The following TFB2M variants were observed in gnomAD, a reference collection of about 807,000 sequenced individuals.
TFB2M encodes the protein dimethyladenosine transferase 2, mitochondrial.
A neutral mutation model predicts 41.3 loss-of-function variants in TFB2M; 44 were observed. That is an observed-to-expected ratio of 1.07 (90% CI 0.84 to 1.37). The LOEUF (loss-of-function observed/expected upper bound fraction) is 1.37. Ranked by LOEUF, TFB2M falls within the 40% of genes most tolerant of loss-of-function variation. TFB2M has a pLI of 0.00. For missense variants in TFB2M, 496 were observed against 490.2 expected, an observed-to-expected ratio of 1.01 and a Z score of -0.11; for synonymous variants, 188 against 176.8, an observed-to-expected ratio of 1.06 and a Z score of -0.50.
intron 4 of TFB2M, among the ~76,000 whole-genome samples, chr1:246,554,483 T>C (rs990532597): frequency 2.1e-5 from 3 of 146,282 alleles, no homozygotes; most frequent in African/African-American, 7.6e-5. Context: ...AGGAACACAA[T>C]CCCTATTGCG....
chr1:246,546,959 G>GTA (rs1553363663), intron 6 of TFB2M, among the ~76,000 whole-genome samples: 24 of 74,320 alleles, frequency 3.2e-4, no homozygotes, highest in Non-Finnish European at 6.9e-4. Context: ...GTTTATATAT[G>GTA]TATATATACA....
At chr1:246,553,388 G>C (rs1268324340) in intron 4 of TFB2M, among the ~76,000 whole-genome samples, 1 of 152,058 alleles carries the variant, frequency 6.6e-6, no homozygotes, top group Non-Finnish European at 1.5e-5. Context: ...AATAAATGGA[G>C]GCCAGGCACA....
Position 246,540,983 on chromosome 1 carries a change from T to TAGTTTCCAA in TFB2M, c.*39_*47dup. Reference sequence around the variant, plus strand: ...GTTTTCAAATTTGGTTTTCATGTCATAGTTTCCAAATAAATGAACCGCTCC... The same window carrying TAGTTTCCAA: ...GTTTTCAAATTTGGTTTTCATGTCATAGTTTCCAAAGTTTCCAAATAAATGAACCGCTCC... On this transcript the variant is annotated 3_prime_UTR_variant, in exon 8 of 8. Coordinates refer to ENST00000366514, the MANE Select transcript of TFB2M (RefSeq NM_022366.3). 1 of 1,559,324 alleles carries TAGTTTCCAA rather than the reference T, an allele frequency of 6.4e-7. No individual in the cohort carries two copies. Among genetic ancestry groups the TAGTTTCCAA allele is most frequent in the Non-Finnish European group, 8.7e-7 (1 of 1,154,192 alleles).
chr1:246,542,360 C>A (rs776248214), intron 7 of TFB2M, among the ~76,000 whole-genome samples: 43 of 151,806 alleles, frequency 2.8e-4, no homozygotes, highest in Non-Finnish European at 4.6e-4. Context: ...CAATAAGCCT[C>A]CAACAACAAC....
At chr1:246,552,682 G>C (rs1366482001) in intron 4 of TFB2M, among the ~76,000 whole-genome samples, 1 of 151,768 alleles carries the variant, frequency 6.6e-6, no homozygotes, top group South Asian at 2.1e-4. Context: ...CTGGGCAACA[G>C]AGCAAGACCC....
rs1401281916 is a variant in TFB2M, at chr1:246,557,521, T to C, written c.416A>G (p.Asn139Ser). ...AATCACTCGTAGTTTTCCATCCAGA[T>C]TTTTTCCTAAGGACTAAAGAGAGAC... is the stretch of plus-strand genomic sequence containing the variant. ...FIPHLESLGK[N>S]LDGKLRVIHC... is the part of the protein sequence containing the mutation. Residue 139 changes from asparagine (N) to serine (S), a missense_variant, in exon 3 of 8, where the codon AAT (asparagine) becomes AGT (serine). Asn to Ser is a conservative substitution (Grantham distance 46). Coordinates refer to ENST00000366514, the MANE Select transcript of TFB2M (RefSeq NM_022366.3). The C allele has an allele frequency of 6.2e-7, 1 of 1,606,194 alleles. No homozygotes were observed. The highest frequency in any genetic ancestry group is 1.7e-5 in the Admixed American group (1 of 58,298).
intron 4 of TFB2M, among the ~76,000 whole-genome samples, chr1:246,554,648 T>G (rs993081403): frequency 6.6e-6 from 1 of 152,272 alleles, no homozygotes; most frequent in East Asian, 1.9e-4. Flanking sequence ...TGTATAATTA[T>G]TTCATTATAT....
chr1:246,544,765 G>T, intron 6 of TFB2M, 84 bp from the exon 7 acceptor site: 1 of 1,221,180 alleles, frequency 8.2e-7, no homozygotes, highest in Non-Finnish European at 1.1e-6. Flanking sequence ...CAAGCTATCT[G>T]CTGAAAGACA....
At chr1:246,550,435 A>G (rs909721349) in intron 5 of TFB2M, among the ~76,000 whole-genome samples, 12 of 152,124 alleles carry the variant, frequency 7.9e-5, no homozygotes, top group East Asian at 1.9e-4. Context: ...TTTGAGGGGA[A>G]AAAAAAAGAA....
intron 2 of TFB2M, among the ~76,000 whole-genome samples, chr1:246,563,591 AG>A (rs2102991492): frequency 6.6e-6 from 1 of 151,562 alleles, no homozygotes; most frequent in East Asian, 1.9e-4. Flanking sequence ...GTGACAAGAG[AG>A]AAACTCCATC....
In TFB2M at chr1:246,566,018, G is replaced by A. The variant is rs1183147182; in HGVS notation, c.121C>T (p.His41Tyr). The part of the protein sequence containing the change: ...ATRKHLPARN[H>Y]CGLSDSSPQL... The stretch of plus-strand genomic sequence containing the variant: ...GGAGAGGAGTCAGAGAGCCCACAGT[G>A]GTTCCTCGCCGGCAAATGCTTTCGC... Residue 41 changes from histidine (H) to tyrosine (Y), a missense_variant, in exon 1 of 8, where the codon CAC becomes TAC. Transcript: ENST00000366514. 1 of 1,614,100 alleles carries A rather than the reference G, an allele frequency of 6.2e-7. No homozygotes were observed. Among genetic ancestry groups the A allele is most frequent in the Admixed American group, 1.7e-5 (1 of 60,008 alleles).
rs185128063 is a variant in TFB2M, at chr1:246,562,808, C to T, written c.402+1538G>A. ...CCGAGTAGCTGGGACTACAGGCATGCGCCACCACGCCCAGCTAAGTTTTGT... is the reference window on the plus strand; with the variant it reads ...CCGAGTAGCTGGGACTACAGGCATGTGCCACCACGCCCAGCTAAGTTTTGT... On this transcript the variant is annotated intron_variant, in intron 2 of 7. Transcript: ENST00000366514. Among the ~76,000 whole-genome samples, 83 of 152,096 alleles carry T rather than the reference C, an allele frequency of 5.5e-4. No homozygotes were observed. The East Asian group carries it at 0.012, about 21-fold the overall frequency.
chr1:246,557,451 T>C lies in TFB2M; in HGVS notation c.486A>G (p.Ile162Met), dbSNP rs2102989190. 2 of 1,613,784 alleles carry C rather than the reference T, an allele frequency of 1.2e-6. No homozygotes were observed. Among genetic ancestry groups the C allele is most frequent in the East Asian group, 4.5e-5 (2 of 44,860 alleles). The change falls in exon 3 of 8, where the codon ATA (isoleucine) becomes ATG (methionine). Residue 162 changes from isoleucine to methionine, a missense_variant. Coordinates refer to ENST00000366514, the MANE Select transcript of TFB2M (RefSeq NM_022366.3). ...FKLDPRSGGVIKPPAMSSRGL... is the reference protein window; with the variant it reads ...FKLDPRSGGVMKPPAMSSRGL... ...CTCGAGAAGACATAGCAGGTGGTTT[T>C]ATTACTCCACCACTTCTAGGATCTA...
intron 4 of TFB2M, among the ~76,000 whole-genome samples, chr1:246,555,574 A>C (rs1038200063): frequency 2.6e-5 from 4 of 152,136 alleles, no homozygotes; most frequent in African/African-American, 4.8e-5. Context: ...CCTGTCTCAA[A>C]AAACAAACAA....
At chr1:246,546,983 A>ACC (rs764498048) in intron 6 of TFB2M, among the ~76,000 whole-genome samples, 1 of 127,180 alleles carries the variant, frequency 7.9e-6, no homozygotes, top group African/African-American at 3.0e-5. Context: ...ACACACACAC[A>ACC]TTTTTTTTTT....
chr1:246,545,034 T>C (rs941700093), intron 6 of TFB2M, among the ~76,000 whole-genome samples: 8 of 148,368 alleles, frequency 5.4e-5, no homozygotes, highest in South Asian at 2.3e-4. Flanking sequence ...CTCGATCTCC[T>C]GACCTCGTGA....
Position 246,566,253 on chromosome 1 carries a change from GTAAACAC to G in TFB2M, c.-122_-116del, listed in dbSNP as rs1426311344. 1 of 1,033,492 alleles carries G rather than the reference GTAAACAC, an allele frequency of 9.7e-7. No individual in the cohort carries two copies. Among genetic ancestry groups the G allele is most frequent in the African/African-American group, 1.6e-5 (1 of 62,042 alleles). The allele number at this position is 1,033,492 out of a possible 1,614,324, so 64.0% of individuals were successfully genotyped here. ...GGCGTCCGGGCCAGGTCAAGCGGAA[GTAAACAC>G]TAGAGCCTGCGCATGCGAACAGCGG... On this transcript the variant is annotated 5_prime_UTR_variant, in exon 1 of 8. Transcript: ENST00000366514.
chr1:246,543,977 G>A (rs1027649547), intron 7 of TFB2M, among the ~76,000 whole-genome samples: 3 of 152,092 alleles, frequency 2.0e-5, no homozygotes, highest in Non-Finnish European at 2.9e-5. Context: ...ACAACACAGC[G>A]AGACCCTGTC....
At chr1:246,552,015 C>T (rs1197361650) in intron 4 of TFB2M, among the ~76,000 whole-genome samples, 1 of 152,182 alleles carries the variant, frequency 6.6e-6, no homozygotes, top group East Asian at 1.9e-4. Context: ...CTATCCTAAT[C>T]CATAGCAATA....
Sources: allele counts gnomAD v4.1 joint callset (sites outside exome capture counted in the v4.1 genomes callset), GRCh38; gene constraint gnomAD v4.1.1; transcripts MANE v1.5; gene names NCBI Gene and HGNC (gene_info 2026-07-23, HGNC 2026-07-21).